The following FTO variants were observed in gnomAD, a reference collection of about 807,000 sequenced individuals.
The protein encoded by FTO is FTO alpha-ketoglutarate dependent dioxygenase.
A neutral mutation model predicts 63.9 loss-of-function variants in FTO; 47 were observed. The ratio of observed to expected loss-of-function variants is 0.74; its 90% CI spans 0.58 to 0.94. The LOEUF (loss-of-function observed/expected upper bound fraction) is 0.94, where lower values mean the gene tolerates loss of function less well. Ranked by LOEUF, FTO falls within the 40% of genes least tolerant of loss-of-function variation. FTO has a pLI of 0.00. For missense variants in FTO, 562 were observed against 618.1 expected, an observed-to-expected ratio of 0.91 and a Z score of 0.96; for synonymous variants, 207 against 224.4, an observed-to-expected ratio of 0.92 and a Z score of 0.69.
chr16:54,075,374 T>G (rs1198764984), intron 8 of FTO, among the ~76,000 whole-genome samples: 2 of 152,192 alleles, frequency 1.3e-5, no homozygotes, highest in African/African-American at 4.8e-5. Context: ...AATCCAGCTC[T>G]CGTTAACTAT....
At chr16:53,962,706 A>G (rs894884555) in intron 8 of FTO, among the ~76,000 whole-genome samples, 10 of 152,226 alleles carry the variant, frequency 6.6e-5, no homozygotes, top group Non-Finnish European at 1.5e-4. Flanking sequence ...GTTGAAGTCC[A>G]TATAGTTTGT....
chr16:53,868,724 A>G (rs1364478976), intron 4 of FTO, among the ~76,000 whole-genome samples: 1 of 151,756 alleles, frequency 6.6e-6, no homozygotes, highest in African/African-American at 2.4e-5. Context: ...TGAGTTTCTG[A>G]TCTATATCAT....
In FTO at chr16:53,826,743, C is replaced by T. The variant is rs140101534; in HGVS notation, c.751+252C>T. ...ATACTGTACTCAGAATATTTTCGCA[C>T]GTAAGCACTGCTGTCATTTGTCTCT... On this transcript the variant is annotated intron_variant, in intron 3 of 8. Transcript: ENST00000471389. 3.8e-3 allele frequency among the ~76,000 whole-genome samples: 579 copies of T among 152,300 alleles called. 4 individuals carry two copies. The highest frequency in any genetic ancestry group is 6.4e-3 in the Non-Finnish European group (437 of 68,030).
chr16:54,001,028 T>C (rs1192291353), intron 8 of FTO, among the ~76,000 whole-genome samples: 1 of 152,222 alleles, frequency 6.6e-6, no homozygotes, highest in African/African-American at 2.4e-5. Flanking sequence ...AAAGAGCTTT[T>C]CACTTCGGAG....
intron 5 of FTO, among the ~76,000 whole-genome samples, chr16:53,875,507 A>G (rs1010944995): frequency 7.2e-5 from 11 of 152,338 alleles, no homozygotes; most frequent in Admixed American, 6.5e-5. Context: ...TTATTAAATT[A>G]CTTCTACTGC....
chr16:54,007,191 C>T lies in FTO; in HGVS notation c.1364+73082C>T, dbSNP rs374471312. 1.4e-4 allele frequency among the ~76,000 whole-genome samples: 22 copies of T among 152,088 alleles called. No homozygotes were observed. In the South Asian group the frequency reaches 1.5e-3, roughly 10 times the overall value. On this transcript the variant is annotated intron_variant, in intron 8 of 8. Transcript: ENST00000471389. Reference sequence around the variant, plus strand: ...ACAATTCAGAGTGAAAAAGAATGGTCGTATAACCTAATGTAAATGACGAGT... The same window carrying T: ...ACAATTCAGAGTGAAAAAGAATGGTTGTATAACCTAATGTAAATGACGAGT...
intron 7 of FTO, among the ~76,000 whole-genome samples, chr16:53,906,754 G>A (rs981964377): frequency 1.3e-5 from 2 of 152,084 alleles, no homozygotes; most frequent in Admixed American, 6.5e-5. Flanking sequence ...GGTTATATAA[G>A]GCTTCTAAAG....
At chr16:53,896,339 A>G (rs1473217343) in intron 7 of FTO, among the ~76,000 whole-genome samples, 1 of 150,822 alleles carries the variant, frequency 6.6e-6, no homozygotes, top group East Asian at 1.9e-4. Flanking sequence ...TGTGGGGAGC[A>G]TGGTAGAGGG....
intron 4 of FTO, among the ~76,000 whole-genome samples, chr16:53,862,793 C>T (rs2080213248): frequency 6.6e-6 from 1 of 152,108 alleles, no homozygotes; most frequent in Non-Finnish European, 1.5e-5. Flanking sequence ...AATCCATCTG[C>T]CTTGGACTCC....
chr16:54,094,514 A>G (rs17236708), intron 8 of FTO, among the ~76,000 whole-genome samples: 57,981 of 152,106 alleles, frequency 0.38, 12,239 homozygotes, highest in Middle Eastern at 0.49. Context: ...AGCATATAGG[A>G]TTACCCTCCT....
chr16:54,066,219 A>C (rs1405282602), intron 8 of FTO, among the ~76,000 whole-genome samples: 8 of 151,402 alleles, frequency 5.3e-5, no homozygotes, highest in Admixed American at 5.3e-4. Flanking sequence ...CTGGGTCCTT[A>C]CGGTAGTCCA....
intron 7 of FTO, among the ~76,000 whole-genome samples, chr16:53,932,944 A>G (rs544750384): frequency 7.9e-5 from 12 of 152,324 alleles, no homozygotes; most frequent in Admixed American, 7.8e-4. Context: ...AGGGGAAGAT[A>G]GGACACCTTG....
At chr16:53,935,195 CAG>C (rs1241789138) in intron 8 of FTO, among the ~76,000 whole-genome samples, 1 of 152,184 alleles carries the variant, frequency 6.6e-6, no homozygotes, top group Non-Finnish European at 1.5e-5. Flanking sequence ...TATTTTGTCT[CAG>C]AGTCTTATTT....
At chr16:53,837,033 A>G (rs1416605150) in intron 3 of FTO, among the ~76,000 whole-genome samples, 2 of 152,192 alleles carry the variant, frequency 1.3e-5, no homozygotes, top group Admixed American at 1.3e-4. Context: ...TACCTTCCTG[A>G]GGTTACCCAA....
At chr16:53,799,286 T>C (rs1390579649) in intron 1 of FTO, among the ~76,000 whole-genome samples, 1 of 152,182 alleles carries the variant, frequency 6.6e-6, no homozygotes, top group Non-Finnish European at 1.5e-5. Context: ...TTGTAGACTT[T>C]ATCAGTGAAG....
intron 8 of FTO, among the ~76,000 whole-genome samples, chr16:54,009,396 T>C (rs116053757): frequency 1.2e-3 from 176 of 152,328 alleles, no homozygotes; most frequent in African/African-American, 3.8e-3. Context: ...ACTCTTAAAA[T>C]GTGTAAAACT....
chr16:53,923,280 G>A (rs1270891748), intron 7 of FTO: 1 of 152,238 alleles, frequency 6.6e-6, no homozygotes, highest in African/African-American at 2.4e-5. Context: ...TTATTAGGCT[G>A]CTATTGAAAA....
At chr16:53,939,979 A>T (rs2082489431) in intron 8 of FTO, among the ~76,000 whole-genome samples, 1 of 152,026 alleles carries the variant, frequency 6.6e-6, no homozygotes, top group African/African-American at 2.4e-5. Context: ...TTTTTGAGTG[A>T]CATATTTTCA....
intron 8 of FTO, among the ~76,000 whole-genome samples, chr16:54,026,354 A>G (rs1167927533): frequency 3.9e-5 from 6 of 152,208 alleles, no homozygotes; most frequent in Non-Finnish European, 7.3e-5. Context: ...GGAAGAAGGA[A>G]GAAAGGGAGG....
Sources: allele counts gnomAD v4.1 joint callset (sites outside exome capture counted in the v4.1 genomes callset), GRCh38; gene constraint gnomAD v4.1.1; transcripts MANE v1.5; gene names NCBI Gene and HGNC (gene_info 2026-07-23, HGNC 2026-07-21).